The following CPZ variants were observed in gnomAD, a reference collection of about 807,000 sequenced individuals.
CPZ encodes carboxypeptidase Z.
Under a neutral mutation model 61.8 loss-of-function variants are expected in CPZ, and 103 were observed. That is an observed-to-expected ratio of 1.67 (90% CI 1.42 to 1.96). CPZ has a LOEUF of 1.96. Among genes scored for constraint, CPZ ranks in the 30% most tolerant of loss-of-function variants. The pLI, the probability that CPZ is intolerant of heterozygous loss-of-function variation, is 0.00. For missense variants in CPZ, 1,461 were observed against 914.9 expected (o/e 1.60, Z -7.70); for synonymous variants, 551 against 373.7 (o/e 1.47, Z -5.47).
intron 3 of CPZ, chr4:8,603,333 C>G (rs928316156): frequency 6.6e-6 from 1 of 152,220 alleles, no homozygotes; most frequent in African/African-American, 2.4e-5. Flanking sequence ...GAAGCTGGTG[C>G]GTATGTGGTG....
Position 8,619,614 on chromosome 4 carries a change from C to T in CPZ, c.1956C>T (p.Tyr652=). The change falls in exon 11 of 11, where the codon TAC becomes TAT. Residue 652 remains tyrosine, a synonymous_variant. Transcript: ENST00000360986. ...STHRPRWLLK[Y] ...ACAGGCCACGCTGGCTGCTCAAGTA[C>T]TAGCCCCGGCCCCAGCACCCGCCAG... 1.3e-6 allele frequency: 2 copies of T among 1,494,144 alleles called. No homozygotes were observed. The allele number at this position is 1,494,144 out of a possible 1,614,324, so 92.6% of individuals were successfully genotyped here.
chr4:8,617,210 G>A (rs1382614981), intron 9 of CPZ, among the ~76,000 whole-genome samples: 3 of 152,228 alleles, frequency 2.0e-5, no homozygotes, highest in Non-Finnish European at 4.4e-5. Context: ...TCACATGCTT[G>A]CTGAAATCAT....
intron 4 of CPZ, among the ~76,000 whole-genome samples, chr4:8,605,460 G>A (rs993281732): frequency 9.9e-5 from 15 of 150,762 alleles, no homozygotes; most frequent in African/African-American, 2.0e-4. Context: ...TCCATCATCC[G>A]TCCATCCATT....
intron 1 of CPZ, among the ~76,000 whole-genome samples, chr4:8,597,048 G>GC (rs1169520832): frequency 1.3e-5 from 2 of 152,162 alleles, no homozygotes; most frequent in Admixed American, 1.3e-4. Flanking sequence ...AGGGAGTGGA[G>GC]CAGGGGTGCT....
chr4:8,593,769 C>T (rs772205198), intron 1 of CPZ, among the ~76,000 whole-genome samples: 14 of 152,144 alleles, frequency 9.2e-5, no homozygotes, highest in African/African-American at 2.7e-4. Context: ...GCCAGGACCA[C>T]AATACCCCAC....
intron 7 of CPZ, among the ~76,000 whole-genome samples, chr4:8,611,591 A>G (rs77016301): frequency 0.017 from 2,636 of 152,292 alleles, 88 homozygotes; most frequent in African/African-American, 0.059. Context: ...GATTATTCAT[A>G]GAAGTAGTTG....
intron 7 of CPZ, among the ~76,000 whole-genome samples, chr4:8,611,671 T>C (rs939298433): frequency 7.2e-5 from 11 of 152,116 alleles, no homozygotes; most frequent in African/African-American, 2.7e-4. Flanking sequence ...CTGGGCTTTA[T>C]AAACTGTCAA....
intron 1 of CPZ, 81 bp from the exon 2 acceptor site, chr4:8,599,372 C>T: frequency 2.7e-6 from 4 of 1,491,378 alleles, no homozygotes; most frequent in East Asian, 4.9e-5. Flanking sequence ...CCTACCTGCA[C>T]TCAGGGCCCT....
intron 9 of CPZ, 174 bp from the exon 10 acceptor site, chr4:8,618,255 G>C (rs1029455263): frequency 8.1e-6 from 5 of 615,034 alleles, no homozygotes; most frequent in Admixed American, 5.6e-5. Flanking sequence ...GGCCCAGAGA[G>C]GGGAGTGACT....
chr4:8,606,447 C>A (rs1008315105), intron 5 of CPZ, among the ~76,000 whole-genome samples: 4 of 151,572 alleles, frequency 2.6e-5, no homozygotes, highest in African/African-American at 9.7e-5. Flanking sequence ...TGTGTGTCAG[C>A]GGGGGGTCAG....
intron 1 of CPZ, among the ~76,000 whole-genome samples, 165 bp downstream of exon 1, chr4:8,593,086 A>T (rs1284178695): frequency 6.6e-6 from 1 of 152,078 alleles, no homozygotes; most frequent in African/African-American, 2.4e-5. Flanking sequence ...TGGGACTGGT[A>T]GTGTGACCTC....
intron 3 of CPZ, chr4:8,602,425 T>C (rs1232606745): frequency 1.3e-5 from 2 of 152,364 alleles, no homozygotes; most frequent in East Asian, 1.9e-4. Context: ...GGGCGTTTCA[T>C]CGCATTTGAA....
chr4:8,618,649 T>A, intron 10 of CPZ, 121 bp downstream of exon 10: 1 of 892,452 alleles, frequency 1.1e-6, no homozygotes, highest in Admixed American at 2.2e-5. Context: ...GCTCCATTCC[T>A]CCCCAGGCTG....
chr4:8,607,084 T>C (rs778222409), intron 6 of CPZ, among the ~76,000 whole-genome samples, 183 bp from the exon 7 acceptor site: 4 of 152,154 alleles, frequency 2.6e-5, no homozygotes, highest in Admixed American at 2.6e-4. Context: ...CAGAGATTCA[T>C]GTTGGAAACG....
intron 8 of CPZ, among the ~76,000 whole-genome samples, chr4:8,613,417 A>G (rs1715883596): frequency 6.6e-6 from 1 of 152,214 alleles, no homozygotes; most frequent in South Asian, 2.1e-4. Flanking sequence ...GGCGTGAGCC[A>G]CTGCACCTGG....
chr4:8,614,236 G>C, intron 8 of CPZ, 123 bp from the exon 9 acceptor site: 1 of 1,362,622 alleles, frequency 7.3e-7, no homozygotes, highest in Non-Finnish European at 9.9e-7. Context: ...CCGACGTCCC[G>C]GCTGTCTCTG....
Position 8,592,788 on chromosome 4 carries a change from G to C in CPZ, c.-46G>C. ...GCAGAGCCCCGGCCCCGCGCGGCCC[G>C]AGTGCCACATCACTGCGCTGGCCGT... is the stretch of plus-strand genomic sequence containing the variant. On this transcript the variant is annotated 5_prime_UTR_variant, in exon 1 of 11. Coordinates refer to ENST00000360986, the MANE Select transcript of CPZ (RefSeq NM_001014447.3). 7.6e-7 allele frequency: 1 copy of C among 1,311,992 alleles called. No homozygotes were observed. The highest frequency in any genetic ancestry group is 9.8e-7 in the Non-Finnish European group (1 of 1,018,140). 81.3% of individuals were successfully genotyped at this position (1,311,992 alleles called of 1,614,324 possible).
chr4:8,618,846 TCCCAAAGTTCATA>T (rs1381612909), intron 10 of CPZ, among the ~76,000 whole-genome samples: 1 of 152,206 alleles, frequency 6.6e-6, no homozygotes, highest in Non-Finnish European at 1.5e-5. Context: ...TTTGTTTCTA[TCCCAAAGTTCATA>T]CCCTGTTGAT....
chr4:8,612,186 T>TCGGGTGGGGGG, intron 8 of CPZ, 24 bp downstream of exon 8: 1 of 179,708 alleles, frequency 5.6e-6, no homozygotes, highest in South Asian at 2.6e-4. Context: ...AGGGCGGGAC[T>TCGGGTGGGGGG]GGGCGGGGGG....
Sources: gnomAD v4.1 joint callset for allele counts (sites outside exome capture counted in the v4.1 genomes callset) on GRCh38, gnomAD v4.1.1 for gene constraint, MANE v1.5 for transcripts, NCBI Gene and HGNC (gene_info 2026-07-23, HGNC 2026-07-21) for gene names.